PTPRZ1: variants seen among roughly 807,000 people sequenced by gnomAD.
PTPRZ1 encodes the protein protein tyrosine phosphatase receptor type Z1.
Under a neutral mutation model 214.1 loss-of-function variants are expected in PTPRZ1, and 82 were observed. The observed-to-expected ratio is 0.38, with a 90% CI of 0.32 to 0.46. The LOEUF (loss-of-function observed/expected upper bound fraction) is 0.46. PTPRZ1 is among the 20% of genes least tolerant of loss of function. The pLI is 1.00. For missense variants in PTPRZ1, 2,603 were observed against 2,748.7 expected (o/e 0.95, Z 1.19); for synonymous variants, 945 against 987.9 (o/e 0.96, Z 0.81).
chr7:122,003,506 A>T (rs1798386844), intron 10 of PTPRZ1, among the ~76,000 whole-genome samples: 1 of 152,194 alleles, frequency 6.6e-6, no homozygotes, highest in Admixed American at 6.6e-5. Context: ...TTTGTATTGG[A>T]AAACAGACCT....
At chr7:121,920,455 T>C (rs1795563041) in intron 1 of PTPRZ1, among the ~76,000 whole-genome samples, 1 of 152,188 alleles carries the variant, frequency 6.6e-6, no homozygotes, top group Non-Finnish European at 1.5e-5. Flanking sequence ...TCACTTCTAA[T>C]ATTATTTTTA....
chr7:122,020,521 CG>C (rs1798984406), intron 13 of PTPRZ1, among the ~76,000 whole-genome samples: 1 of 152,054 alleles, frequency 6.6e-6, no homozygotes, highest in Non-Finnish European at 1.5e-5. Flanking sequence ...GTGCAAAGAT[CG>C]GGAAGTAGAA....
chr7:121,878,503 A>G (rs1359844297), intron 1 of PTPRZ1, among the ~76,000 whole-genome samples: 1 of 152,256 alleles, frequency 6.6e-6, no homozygotes, highest in Non-Finnish European at 1.5e-5. Flanking sequence ...CAAACATCCT[A>G]GAAACATGAT....
At chr7:121,964,499 C>T (rs1215386783) in intron 2 of PTPRZ1, among the ~76,000 whole-genome samples, 2 of 152,096 alleles carry the variant, frequency 1.3e-5, no homozygotes, top group Non-Finnish European at 2.9e-5. Flanking sequence ...ATTGTCTCCA[C>T]GTGGTCCCTC....
chr7:121,934,094 C>T (rs1796003369), intron 2 of PTPRZ1, among the ~76,000 whole-genome samples: 1 of 152,106 alleles, frequency 6.6e-6, no homozygotes, highest in African/African-American at 2.4e-5. Context: ...GAGTGAGTCT[C>T]TAGATGTGGA....
rs369327865 is a variant in PTPRZ1 at position 122,047,813 on chromosome 7, G to C, written c.6084+3245G>C. Among the ~76,000 whole-genome samples, 464 of 151,930 alleles carry C rather than the reference G, an allele frequency of 3.1e-3. 2 individuals carry two copies. Among genetic ancestry groups the C allele is most frequent in the African/African-American group, 0.011 (442 of 41,392 alleles). On this transcript the variant is annotated intron_variant, in intron 23 of 29. Coordinates refer to ENST00000393386, the MANE Select transcript of PTPRZ1 (RefSeq NM_002851.3). ...ATAGTAAGTGTACACAACCACGCCT[G>C]GTTAATTTTTTAAATGTTTTTTGTA...
At chr7:122,034,629 G>A (rs991421480) in intron 17 of PTPRZ1, among the ~76,000 whole-genome samples, 2 of 151,882 alleles carry the variant, frequency 1.3e-5, no homozygotes, top group Non-Finnish European at 2.9e-5. Flanking sequence ...TCTTTCTTTT[G>A]TTCTTTCTTT....
chr7:121,946,284 T>C (rs1342086349), intron 2 of PTPRZ1, among the ~76,000 whole-genome samples: 1 of 152,188 alleles, frequency 6.6e-6, no homozygotes, highest in Non-Finnish European at 1.5e-5. Context: ...TTCCTGTATG[T>C]GGTAATAACC....
intron 10 of PTPRZ1, 36 bp from the exon 11 acceptor site, chr7:122,004,578 A>G: frequency 8.6e-7 from 1 of 1,158,642 alleles, no homozygotes; most frequent in South Asian, 1.4e-5. Context: ...AAATAGTTGA[A>G]TAAAAACTTT....
chr7:122,047,359 T>C (rs753582856), intron 23 of PTPRZ1, among the ~76,000 whole-genome samples: 10 of 152,026 alleles, frequency 6.6e-5, no homozygotes, highest in Non-Finnish European at 1.0e-4. Context: ...TTATTTGGGG[T>C]TTCTTTGCTT....
Position 122,010,521 on chromosome 7 carries a change from A to G in PTPRZ1, c.1475A>G (p.Lys492Arg), listed in dbSNP as rs1182652905. 6.2e-7 allele frequency: 1 copy of G among 1,613,944 alleles called. No homozygotes were observed. The highest frequency in any genetic ancestry group is 1.7e-5 in the Admixed American group (1 of 60,018). Residue 492 changes from lysine to arginine, a missense_variant, in exon 12 of 30, where the codon AAG (lysine) becomes AGG (arginine). By Grantham distance (26) the Lys-to-Arg change is conservative. Around this residue, in one of 6 missense-constraint regions of PTPRZ1, gnomAD observed 1,913 missense variants for 1,914.3 expected, o/e 1.00. Transcript: ENST00000393386. ...ACAAGAGGAAGTGAATTCTCTGGAA[A>G]GGGTGATGTTCCCAATACATCTTTA... The part of the protein sequence containing the change: ...SPTRGSEFSG[K>R]GDVPNTSLNS...
chr7:121,885,714 C>A (rs1284290575), intron 1 of PTPRZ1, among the ~76,000 whole-genome samples: 1 of 152,148 alleles, frequency 6.6e-6, no homozygotes, highest in East Asian at 1.9e-4. Flanking sequence ...GCAAAATGCC[C>A]ATAAGAAAGT....
Position 121,952,380 on chromosome 7 carries a change from A to G in PTPRZ1, c.125-15571A>G, listed in dbSNP as rs573492599. Among the ~76,000 whole-genome samples, 78 of 152,218 alleles carry G rather than the reference A, an allele frequency of 5.1e-4. 1 individual carries two copies. The South Asian group carries it at 0.016, about 30-fold the overall frequency. Reference sequence around the variant, plus strand: ...AGGAAGATTGCTTGAGGCCAGAAGTAGAAGACCATCCTGGGCAACATAGAG... The same window carrying G: ...AGGAAGATTGCTTGAGGCCAGAAGTGGAAGACCATCCTGGGCAACATAGAG... On this transcript the variant is annotated intron_variant, in intron 2 of 29. Coordinates refer to ENST00000393386, the MANE Select transcript of PTPRZ1 (RefSeq NM_002851.3).
At position 121,873,429 on chromosome 7, in the gene PTPRZ1, T is replaced by G; in HGVS notation, c.-71T>G. On this transcript the variant is annotated 5_prime_UTR_variant, in exon 1 of 30. Transcript: ENST00000393386. The stretch of plus-strand genomic sequence containing the variant: ...ACAAACAAACAAAAAAAACATTTCC[T>G]TCGCTCCCCCTCCCTCTCCACTCTG... 6.6e-6 allele frequency: 10 copies of G among 1,513,258 alleles called. No individual in the cohort carries two copies. Among genetic ancestry groups the G allele is most frequent in the Non-Finnish European group, 8.2e-6 (9 of 1,101,208 alleles). The allele number at this position is 1,513,258 out of a possible 1,614,324, so 93.7% of individuals were successfully genotyped here.
chr7:122,045,558 A>G (rs1267674108), intron 23 of PTPRZ1, among the ~76,000 whole-genome samples: 1 of 152,092 alleles, frequency 6.6e-6, no homozygotes, highest in Non-Finnish European at 1.5e-5. Flanking sequence ...TGTTTTACTC[A>G]TCCAAGCTTA....
chr7:121,909,542 T>A (rs1406870189), intron 1 of PTPRZ1, among the ~76,000 whole-genome samples: 1 of 152,164 alleles, frequency 6.6e-6, no homozygotes, highest in Non-Finnish European at 1.5e-5. Flanking sequence ...GAGAAAATAA[T>A]CAAATTTAAA....
intron 23 of PTPRZ1, among the ~76,000 whole-genome samples, chr7:122,045,999 A>T (rs1053038431): frequency 1.3e-5 from 2 of 152,208 alleles, no homozygotes; most frequent in African/African-American, 4.8e-5. Flanking sequence ...CTGTGTATTC[A>T]GCAAGTACTT....
chr7:122,019,039 T>G, intron 12 of PTPRZ1, 85 bp from the exon 13 acceptor site: 1 of 1,298,916 alleles, frequency 7.7e-7, no homozygotes, highest in African/African-American at 1.5e-5. Context: ...GTAACAGCAA[T>G]GAAGGTTGCA....
intron 8 of PTPRZ1, among the ~76,000 whole-genome samples, chr7:121,994,289 CTTTTT>C (rs35332072): frequency 8.0e-5 from 6 of 75,346 alleles, no homozygotes; most frequent in African/African-American, 1.6e-4. Context: ...TAATGCATTT[CTTTTT>C]TTTTTTTTTT....
Sources: gnomAD v4.1 joint callset for allele counts (sites outside exome capture counted in the v4.1 genomes callset) on GRCh38, gnomAD v4.1.1 for gene constraint, gnomAD v4.1.1 regional missense constraint, MANE v1.5 for transcripts, NCBI Gene and HGNC (gene_info 2026-07-23, HGNC 2026-07-21) for gene names.